CNTN4: variants seen among roughly 807,000 people sequenced by gnomAD.
CNTN4 encodes contactin 4, also known as contactin-4.
In CNTN4, 77 loss-of-function variants were observed where a neutral mutation model predicts 122.5. That is an observed-to-expected ratio of 0.63 (90% CI 0.52 to 0.76). CNTN4 has a LOEUF of 0.76. Among genes scored for constraint, CNTN4 ranks in the 30% least tolerant of loss-of-function variants. The pLI is 0.00. For missense variants in CNTN4, 1,256 were observed against 1,259.1 expected (o/e 1.00, Z 0.04); for synonymous variants, 512 against 447.0 (o/e 1.15, Z -1.83).
intron 13 of CNTN4, among the ~76,000 whole-genome samples, chr3:2,975,489 A>C (rs1052612536): frequency 6.6e-6 from 1 of 152,232 alleles, no homozygotes; most frequent in Non-Finnish European, 1.5e-5. Context: ...TGCAGATTAA[A>C]TGAGATAATC....
chr3:2,918,379 G>C (rs2094392066), intron 12 of CNTN4, among the ~76,000 whole-genome samples: 1 of 152,208 alleles, frequency 6.6e-6, no homozygotes, highest in Admixed American at 6.5e-5. Context: ...GGGGAGGAAA[G>C]AGGAGACCAT....
intron 23 of CNTN4, among the ~76,000 whole-genome samples, chr3:3,045,585 A>G (rs1700565157): frequency 6.6e-6 from 1 of 152,264 alleles, no homozygotes; most frequent in Non-Finnish European, 1.5e-5. Flanking sequence ...GTTAGAAGGA[A>G]CACTAACAAA....
chr3:2,369,344 C>T (rs185490424), intron 3 of CNTN4, among the ~76,000 whole-genome samples: 174 of 152,306 alleles, frequency 1.1e-3, no homozygotes, highest in African/African-American at 3.5e-3. Context: ...TCCCCTCTCA[C>T]TGTGCTAATC....
chr3:2,196,046 C>T (rs1167032976), intron 2 of CNTN4, among the ~76,000 whole-genome samples: 1 of 152,144 alleles, frequency 6.6e-6, no homozygotes, highest in African/African-American at 2.4e-5. Context: ...AATAAATAAA[C>T]TTCTGCAGGT....
intron 3 of CNTN4, among the ~76,000 whole-genome samples, chr3:2,571,152 T>C (rs1014396087): frequency 2.0e-5 from 3 of 152,142 alleles, no homozygotes; most frequent in East Asian, 1.9e-4. Flanking sequence ...TTCAGGTTGG[T>C]TCATGCCTAA....
rs182635174 is a variant in CNTN4 at position 2,268,210 on chromosome 3, G to A, written c.-144-70968G>A. Among the ~76,000 whole-genome samples, 87 of 152,246 alleles carry A rather than the reference G, an allele frequency of 5.7e-4. 1 individual carries two copies. Among genetic ancestry groups the A allele is most frequent in the Admixed American group, 4.6e-3 (70 of 15,262 alleles). ...ATTCTCTAAGACTAAGAGAACATTA[G>A]TCAGGCCTCTTATGGTGAGGGAGGG... On this transcript the variant is annotated intron_variant, in intron 2 of 24. Coordinates refer to ENST00000418658, the MANE Select transcript of CNTN4 (RefSeq NM_175607.3).
chr3:2,900,644 C>T (rs777855258), intron 10 of CNTN4, 41 bp from the exon 11 acceptor site: 18 of 1,603,882 alleles, frequency 1.1e-5, no homozygotes, highest in Admixed American at 3.3e-5. Context: ...ATTGAGTACA[C>T]ACTGAATATA....
intron 4 of CNTN4, among the ~76,000 whole-genome samples, chr3:2,729,360 T>A (rs7644899): frequency 6.7e-6 from 1 of 150,154 alleles, no homozygotes; most frequent in African/African-American, 2.5e-5. Flanking sequence ...GTCAGGAGAT[T>A]GAGACCATCC....
intron 3 of CNTN4, among the ~76,000 whole-genome samples, chr3:2,397,602 A>G (rs1470207217): frequency 1.3e-5 from 2 of 152,084 alleles, no homozygotes; most frequent in Non-Finnish European, 2.9e-5. Context: ...TGCAAACGCC[A>G]CACTGCTCAG....
At chr3:2,158,138 A>G (rs963182416) in intron 2 of CNTN4, among the ~76,000 whole-genome samples, 2 of 152,116 alleles carry the variant, frequency 1.3e-5, no homozygotes, top group Non-Finnish European at 1.5e-5. Context: ...GGGCTTTTAA[A>G]CCCTGGTAAT....
chr3:2,731,644 C>A (rs780568647), intron 4 of CNTN4, among the ~76,000 whole-genome samples: 1 of 152,222 alleles, frequency 6.6e-6, no homozygotes, highest in Non-Finnish European at 1.5e-5. Context: ...GCCTTCCCCT[C>A]CTCTAATAAT....
At chr3:2,434,576 T>C (rs1400621929) in intron 3 of CNTN4, among the ~76,000 whole-genome samples, 3 of 152,200 alleles carry the variant, frequency 2.0e-5, no homozygotes, top group Non-Finnish European at 4.4e-5. Flanking sequence ...GAGTTTGTTT[T>C]GTAATTTCCG....
intron 2 of CNTN4, chr3:2,262,374 A>G (rs1275633407): frequency 6.6e-6 from 1 of 152,148 alleles, no homozygotes; most frequent in Admixed American, 6.6e-5. Context: ...ACACTGCCAG[A>G]GCCCACTTGG....
At chr3:2,776,124 C>T (rs775405758) in intron 6 of CNTN4, among the ~76,000 whole-genome samples, 1 of 152,124 alleles carries the variant, frequency 6.6e-6, no homozygotes, top group Non-Finnish European at 1.5e-5. Flanking sequence ...AGGACACAGA[C>T]TCTAAAAGAG....
chr3:3,036,982 TGTTA>T (rs1699670944), intron 17 of CNTN4, among the ~76,000 whole-genome samples, 193 bp from the exon 18 acceptor site: 1 of 152,234 alleles, frequency 6.6e-6, no homozygotes, highest in South Asian at 2.1e-4. Flanking sequence ...GATTAGAGTG[TGTTA>T]GTTTAACATA....
chr3:2,727,350 C>T (rs1301361487), intron 4 of CNTN4, among the ~76,000 whole-genome samples: 2 of 152,188 alleles, frequency 1.3e-5, no homozygotes, highest in Non-Finnish European at 1.5e-5. Context: ...AATAGTCTCC[C>T]ATCAGTTCCC....
intron 13 of CNTN4, among the ~76,000 whole-genome samples, chr3:2,964,654 A>C (rs1399806849): frequency 1.3e-5 from 2 of 152,216 alleles, no homozygotes; most frequent in Non-Finnish European, 2.9e-5. Flanking sequence ...AAGGAACTAG[A>C]TAACCCTGGA....
rs111456608 is a variant in CNTN4 at position 2,292,164 on chromosome 3, T to A, written c.-144-47014T>A. 2.2e-3 allele frequency among the ~76,000 whole-genome samples: 339 copies of A among 152,372 alleles called. 2 individuals are homozygous for A. The highest frequency in any genetic ancestry group is 7.7e-3 in the African/African-American group (320 of 41,588). ...AAAGTGGTACTTGTATTGTCACTTC[T>A]ACGGCACTTATCTGTCCCACACATT... is the stretch of plus-strand genomic sequence containing the variant. On this transcript the variant is annotated intron_variant, in intron 2 of 24. Transcript: ENST00000418658.
At chr3:2,567,149 C>T (rs1385755429) in intron 3 of CNTN4, among the ~76,000 whole-genome samples, 1 of 149,180 alleles carries the variant, frequency 6.7e-6, no homozygotes, top group African/African-American at 2.5e-5. Flanking sequence ...CAGTGATGCA[C>T]GATCTCGGCT....
Sources: allele counts gnomAD v4.1 joint callset (sites outside exome capture counted in the v4.1 genomes callset), GRCh38; gene constraint gnomAD v4.1.1; transcripts MANE v1.5; gene names NCBI Gene and HGNC (gene_info 2026-07-23, HGNC 2026-07-21).